WDR41: variants seen among roughly 807,000 people sequenced by gnomAD.
WDR41 encodes the protein WD repeat domain 41.
A neutral mutation model predicts 69.3 loss-of-function variants in WDR41; 63 were observed. The ratio of observed to expected loss-of-function variants is 0.91; its 90% confidence interval spans 0.74 to 1.12. The LOEUF is 1.12. WDR41 is among the 50% of genes most tolerant of loss of function. The pLI is 0.00. For missense variants in WDR41, 543 were observed against 534.5 expected (o/e 1.02, Z -0.16); for synonymous variants, 185 against 192.1 (o/e 0.96, Z 0.31).
At chr5:77,613,148 TA>T in intron 1 of WDR41, among the ~76,000 whole-genome samples, 1 of 151,870 alleles carries the variant, frequency 6.6e-6, no homozygotes, top group Non-Finnish European at 1.5e-5. Flanking sequence ...TAAAAGAGGA[TA>T]CAAAGAAATG....
chr5:77,525,462 A>G (rs1389262790), intron 1 of WDR41, among the ~76,000 whole-genome samples: 1 of 152,180 alleles, frequency 6.6e-6, no homozygotes, highest in Non-Finnish European at 1.5e-5. Flanking sequence ...GAGACAGAAT[A>G]GGAGCTGCAA....
At chr5:77,563,426 A>T (rs1240773100) in intron 1 of WDR41, among the ~76,000 whole-genome samples, 1 of 152,152 alleles carries the variant, frequency 6.6e-6, no homozygotes, top group Non-Finnish European at 1.5e-5. Flanking sequence ...AGATCTCTCA[A>T]TATAGAACAA....
chr5:77,492,299 C>G lies in WDR41; in HGVS notation c.-79G>C, dbSNP rs554179967. 1.3e-4 allele frequency: 209 copies of G among 1,581,848 alleles called. 5 individuals carry two copies. In the South Asian group the frequency reaches 2.3e-3, roughly 18 times the overall value. On this transcript the variant is annotated 5_prime_UTR_variant, in exon 1 of 13. Transcript: ENST00000296679. ...CCCAGGCTCGGCCTCCTCCTTCCTCCCCGGCTGCAGCGCAACTGAGACGCT... is the reference window on the plus strand; with the variant it reads ...CCCAGGCTCGGCCTCCTCCTTCCTCGCCGGCTGCAGCGCAACTGAGACGCT...
intron 1 of WDR41, among the ~76,000 whole-genome samples, chr5:77,588,231 C>G (rs1362198053): frequency 2.0e-5 from 3 of 152,036 alleles, no homozygotes; most frequent in Admixed American, 6.6e-5. Context: ...AGTGATTTGC[C>G]TTTTTACTCT....
At chr5:77,534,684 T>G (rs1214956474) in intron 1 of WDR41, among the ~76,000 whole-genome samples, 4 of 149,386 alleles carry the variant, frequency 2.7e-5, no homozygotes, top group South Asian at 4.2e-4. Flanking sequence ...TCCTCCCACC[T>G]TGGCCTCCCA....
intron 1 of WDR41, among the ~76,000 whole-genome samples, chr5:77,584,453 TAAG>T (rs1377688363): frequency 1.3e-5 from 2 of 152,144 alleles, no homozygotes; most frequent in East Asian, 3.8e-4. Flanking sequence ...AAAATGAAGT[TAAG>T]AAAGCAATTT....
intron 8 of WDR41, among the ~76,000 whole-genome samples, chr5:77,442,659 G>A (rs1222903017): frequency 5.3e-5 from 8 of 152,014 alleles, no homozygotes; most frequent in East Asian, 1.9e-4. Flanking sequence ...TTGGGAGGCC[G>A]AGGCAGGTGG....
At chr5:77,604,030 T>C (rs1744371552) in intron 1 of WDR41, among the ~76,000 whole-genome samples, 1 of 152,332 alleles carries the variant, frequency 6.6e-6, no homozygotes, top group South Asian at 2.1e-4. Context: ...TTTGTTCTTT[T>C]TCCCTCAAGA....
chr5:77,519,346 T>G (rs1164520048), intron 1 of WDR41, among the ~76,000 whole-genome samples: 1 of 151,986 alleles, frequency 6.6e-6, no homozygotes, highest in Non-Finnish European at 1.5e-5. Context: ...TCAATTATAC[T>G]GTATGACTTT....
intron 1 of WDR41, among the ~76,000 whole-genome samples, chr5:77,577,949 C>T (rs990569507): frequency 7.9e-5 from 12 of 152,148 alleles, no homozygotes; most frequent in African/African-American, 2.2e-4. Context: ...TCATTTAACA[C>T]GAAGCCTATT....
chr5:77,449,954 T>C (rs1799558570), intron 7 of WDR41, 84 bp from the exon 8 acceptor site: 1 of 956,726 alleles, frequency 1.0e-6, no homozygotes, highest in East Asian at 2.5e-5. Context: ...AAGCATTTCA[T>C]TAAGTGAAAA....
At chr5:77,542,859 C>A (rs1743118196) in intron 1 of WDR41, among the ~76,000 whole-genome samples, 1 of 152,144 alleles carries the variant, frequency 6.6e-6, no homozygotes, top group South Asian at 2.1e-4. Context: ...AATCAGGAAA[C>A]CTGAGAGGAC....
At chr5:77,477,765 C>T (rs1801015968) in intron 2 of WDR41, among the ~76,000 whole-genome samples, 3 of 120,670 alleles carry the variant, frequency 2.5e-5, no homozygotes. Context: ...ATTAAAAGAA[C>T]TAGAAAAGCA....
chr5:77,615,520 T>A (rs527565489), intron 1 of WDR41, among the ~76,000 whole-genome samples: 298 of 152,112 alleles, frequency 2.0e-3, no homozygotes, highest in Middle Eastern at 0.01. Context: ...CATTTGAATA[T>A]GTTTGAAGTA....
intron 1 of WDR41, among the ~76,000 whole-genome samples, chr5:77,549,442 A>G (rs943889584): frequency 1.3e-5 from 2 of 152,174 alleles, no homozygotes; most frequent in Non-Finnish European, 2.9e-5. Context: ...ACAAATCAGT[A>G]ACATTTCTAT....
intron 1 of WDR41, among the ~76,000 whole-genome samples, chr5:77,518,401 T>C (rs758879896): frequency 1.3e-5 from 2 of 152,102 alleles, no homozygotes; most frequent in Non-Finnish European, 2.9e-5. Flanking sequence ...GTAATCACTA[T>C]AAAAATCAGT....
chr5:77,481,203 T>A (rs1264831043), intron 2 of WDR41, among the ~76,000 whole-genome samples: 1 of 151,662 alleles, frequency 6.6e-6, no homozygotes, highest in Non-Finnish European at 1.5e-5. Flanking sequence ...AGAGATGGAG[T>A]TTCACCATGT....
At chr5:77,485,100 A>G (rs1801453661) in intron 2 of WDR41, among the ~76,000 whole-genome samples, 1 of 152,216 alleles carries the variant, frequency 6.6e-6, no homozygotes, top group Non-Finnish European at 1.5e-5. Context: ...TCTGCATCAG[A>G]GTCTGAGACA....
chr5:77,456,868 ATTC>A lies in WDR41; in HGVS notation c.411+2191_411+2193del, dbSNP rs201382494. Reference sequence around the variant, plus strand: ...AGACATGTGCCACCAGACCTGGCTAATTCTTCTTTCTTTTTTTTTGTAGAGAAG... The same window carrying A: ...AGACATGTGCCACCAGACCTGGCTAATTCTTTCTTTTTTTTTGTAGAGAAG... On this transcript the variant is annotated intron_variant, in intron 5 of 12. Transcript: ENST00000296679. Among the ~76,000 whole-genome samples the A allele has an allele frequency of 3.5e-3, 532 of 152,038 alleles. 3 individuals are homozygous for A. The highest frequency in any genetic ancestry group is 0.012 in the African/African-American group (493 of 41,468).
Sources: gnomAD v4.1 joint callset for allele counts (sites outside exome capture counted in the v4.1 genomes callset) on GRCh38, gnomAD v4.1.1 for gene constraint, MANE v1.5 for transcripts, NCBI Gene and HGNC (gene_info 2026-07-23, HGNC 2026-07-21) for gene names.